HECW2: variants seen among roughly 807,000 people sequenced by gnomAD.
The protein encoded by HECW2 is E3 ubiquitin-protein ligase HECW2.
In HECW2, 61 loss-of-function variants were observed where a neutral mutation model predicts 175.2. That is an observed-to-expected ratio of 0.35 (90% CI 0.28 to 0.43). The LOEUF (loss-of-function observed/expected upper bound fraction) is 0.43. HECW2 is among the 20% of genes least tolerant of loss of function. The probability of loss-of-function intolerance (pLI) is 1.00; values close to 1 mark genes in which losing one functional copy is unlikely to be tolerated. For synonymous variants in HECW2, 671 were observed against 731.0 expected (o/e 0.92, Z 1.32); for missense variants, 1,524 against 2,000.5 (o/e 0.76, Z 4.54).
At position 196,253,937 on chromosome 2, in the gene HECW2, G is replaced by A. The variant is rs1472711589; in HGVS notation, c.3512C>T (p.Ser1171Phe). 1 of 1,614,038 alleles carries A rather than the reference G, an allele frequency of 6.2e-7. No homozygotes were observed. Among genetic ancestry groups the A allele is most frequent in the Non-Finnish European group, 8.5e-7 (1 of 1,179,922 alleles). Residue 1171 changes from serine (S) to phenylalanine (F), a missense_variant, in exon 19 of 29, where the codon TCT becomes TTT. Ser to Phe is a radical substitution (Grantham distance 155, BLOSUM62 -2). This residue lies in a region of HECW2 where 291 missense variants were observed against 412.2 expected (regional missense o/e 0.71). Coordinates refer to ENST00000644978, the MANE Select transcript of HECW2 (RefSeq NM_001348768.2). Reference sequence around the variant, plus strand: ...GGACTCACCTGGCGAGTTCTGAGGAGATGACACGGGAGAGCCACGTGGGGA... The same window carrying A: ...GGACTCACCTGGCGAGTTCTGAGGAAATGACACGGGAGAGCCACGTGGGGA... ...CQSPRGSPVS[S>F]PQNSPGTQRA...
At chr2:196,501,345 G>A (rs1412523272) in intron 1 of HECW2, among the ~76,000 whole-genome samples, 22 of 152,082 alleles carry the variant, frequency 1.4e-4, no homozygotes, top group South Asian at 4.1e-4. Flanking sequence ...GCACAGTGGC[G>A]TGATCTCAGC....
chr2:196,447,821 G>A (rs527464079), intron 1 of HECW2, among the ~76,000 whole-genome samples: 1 of 152,256 alleles, frequency 6.6e-6, no homozygotes, highest in East Asian at 1.9e-4. Context: ...ACTTTGGGAG[G>A]CCGAGGCAGG....
rs558530129 is a variant in HECW2 at position 196,373,893 on chromosome 2, G to A, written c.293-30129C>T. On this transcript the variant is annotated intron_variant, in intron 2 of 28. Transcript: ENST00000644978. Reference sequence around the variant, plus strand: ...TAAAAATACAAAAAATTAGCCGGGCGTAGTGGCGGGCGCCTGTAGTCCCAG... The same window carrying A: ...TAAAAATACAAAAAATTAGCCGGGCATAGTGGCGGGCGCCTGTAGTCCCAG... Among the ~76,000 whole-genome samples, 19 of 151,474 alleles carry A rather than the reference G, an allele frequency of 1.3e-4. No individual in the cohort carries two copies. The East Asian group carries it at 3.1e-3, about 25-fold the overall frequency.
At chr2:196,527,211 G>A (rs1284949714) in intron 1 of HECW2, among the ~76,000 whole-genome samples, 2 of 152,218 alleles carry the variant, frequency 1.3e-5, no homozygotes, top group African/African-American at 2.4e-5. Flanking sequence ...TCTGAAAAGC[G>A]CAATATTCGG....
intron 14 of HECW2, chr2:196,288,715 TA>T (rs1468510764): frequency 4.6e-5 from 7 of 152,254 alleles, no homozygotes; most frequent in African/African-American, 1.7e-4. Flanking sequence ...CTTCTACCTC[TA>T]AATTTCAGTA....
At chr2:196,358,585 C>A (rs1693467380) in intron 2 of HECW2, among the ~76,000 whole-genome samples, 2 of 67,352 alleles carry the variant, frequency 3.0e-5, no homozygotes, top group African/African-American at 6.3e-5. Context: ...GACTCTGTCT[C>A]AAAAAAAAAA....
chr2:196,317,498 G>A, intron 9 of HECW2, 129 bp from the exon 10 acceptor site: 1 of 685,242 alleles, frequency 1.5e-6, no homozygotes, highest in Non-Finnish European at 2.6e-6. Flanking sequence ...TTTCCCATAT[G>A]AGGACCTAGA....
chr2:196,573,881 C>A (rs772143598), intron 1 of HECW2, among the ~76,000 whole-genome samples: 13 of 151,100 alleles, frequency 8.6e-5, no homozygotes, highest in Non-Finnish European at 1.3e-4. Flanking sequence ...AAAAAAAAAA[C>A]AGTGAGAAAT....
At chr2:196,282,573 A>G (rs891950659) in intron 14 of HECW2, among the ~76,000 whole-genome samples, 2 of 152,200 alleles carry the variant, frequency 1.3e-5, no homozygotes, top group African/African-American at 2.4e-5. Context: ...TCTAGGTCAT[A>G]GGGAGATTCA....
chr2:196,243,689 C>G (rs1033073531), intron 19 of HECW2, among the ~76,000 whole-genome samples: 2 of 152,018 alleles, frequency 1.3e-5, no homozygotes, highest in African/African-American at 4.8e-5. Context: ...AAGCGATTCT[C>G]CTGCCTCAGC....
intron 2 of HECW2, among the ~76,000 whole-genome samples, chr2:196,397,377 G>A (rs991556926): frequency 2.0e-5 from 3 of 151,964 alleles, no homozygotes; most frequent in Admixed American, 6.6e-5. Context: ...CACTTCCTAG[G>A]GCCCATGTGA....
At chr2:196,299,826 G>A (rs1247001340) in intron 13 of HECW2, among the ~76,000 whole-genome samples, 1 of 152,112 alleles carries the variant, frequency 6.6e-6, no homozygotes, top group African/African-American at 2.4e-5. Flanking sequence ...CTACCCGGGA[G>A]GCTGAGGCAG....
intron 2 of HECW2, among the ~76,000 whole-genome samples, chr2:196,415,115 G>C (rs1175508156): frequency 6.6e-6 from 1 of 152,194 alleles, no homozygotes; most frequent in African/African-American, 2.4e-5. Flanking sequence ...CTGGCTACCA[G>C]GTGAGAGAGG....
rs932591414 is a variant in HECW2 at position 196,537,730 on chromosome 2, C to G, written c.-36+55778G>C. Among the ~76,000 whole-genome samples, 4 of 152,208 alleles carry G rather than the reference C, an allele frequency of 2.6e-5. No individual in the cohort carries two copies. The East Asian group carries it at 5.8e-4, about 22-fold the overall frequency. ...GAACAAATTAATCATGTTTACTAAA[C>G]AGACCCAGACTTGGGAGTGTCCAGA... is the stretch of plus-strand genomic sequence containing the variant. On this transcript the variant is annotated intron_variant, in intron 1 of 28. Transcript: ENST00000644978.
At chr2:196,438,399 A>G (rs1234810992) in intron 1 of HECW2, among the ~76,000 whole-genome samples, 3 of 152,242 alleles carry the variant, frequency 2.0e-5, no homozygotes, top group Non-Finnish European at 4.4e-5. Flanking sequence ...ACATTAATAT[A>G]AACAGTTACT....
chr2:196,228,388 C>A, intron 21 of HECW2, 134 bp from the exon 22 acceptor site: 1 of 742,414 alleles, frequency 1.3e-6, no homozygotes, highest in Non-Finnish European at 2.2e-6. Context: ...CTGTCCAAAA[C>A]AAACTGAATG....
At chr2:196,248,601 C>CAA (rs755597087) in intron 19 of HECW2, among the ~76,000 whole-genome samples, 5,622 of 75,730 alleles carry the variant, frequency 0.074, 136 homozygotes, top group Middle Eastern at 0.15. Flanking sequence ...CAGACAGACA[C>CAA]ACACACACAC....
intron 2 of HECW2, among the ~76,000 whole-genome samples, chr2:196,361,242 C>T (rs1693577578): frequency 6.6e-6 from 1 of 152,086 alleles, no homozygotes; most frequent in African/African-American, 2.4e-5. Flanking sequence ...CCACAAGATA[C>T]TACATAAAAA....
intron 2 of HECW2, among the ~76,000 whole-genome samples, chr2:196,355,691 C>G (rs1693339532): frequency 6.6e-6 from 1 of 152,206 alleles, no homozygotes; most frequent in Admixed American, 6.5e-5. Flanking sequence ...CATCTACTAT[C>G]TACCAGGCAA....
Sources: gnomAD v4.1 joint callset for allele counts (sites outside exome capture counted in the v4.1 genomes callset) on GRCh38, gnomAD v4.1.1 for gene constraint, gnomAD v4.1.1 regional missense constraint, MANE v1.5 for transcripts, NCBI Gene and HGNC (gene_info 2026-07-23, HGNC 2026-07-21) for gene names.